KCNS1: variants seen among roughly 807,000 people sequenced by gnomAD.
KCNS1 encodes delayed-rectifier potassium channel regulatory subunit KCNS1.
Under a neutral mutation model 33.1 loss-of-function variants are expected in KCNS1, and 26 were observed. The ratio of observed to expected loss-of-function variants is 0.79; its 90% CI spans 0.58 to 1.09. KCNS1 has a LOEUF of 1.09. KCNS1 is among the 50% of genes least tolerant of loss of function. The pLI is 0.00. For synonymous variants in KCNS1, 299 were observed against 338.8 expected (o/e 0.88, Z 1.29); for missense variants, 702 against 752.4 (o/e 0.93, Z 0.78).
rs2145514587 is a variant in KCNS1 at position 45,098,218 on chromosome 20, G to A, written c.554C>T (p.Ser185Phe). 3.1e-6 allele frequency: 5 copies of A among 1,605,016 alleles called. No individual in the cohort carries two copies. In the South Asian group the frequency reaches 4.4e-5, roughly 14 times the overall value. ...SSVDPCPDEI[S>F]DVQRELARYG... ...GCGCGCCAGTTCTCGCTGCACGTCG[G>A]AGATCTCGTCGGGGCACGGGTCCAC... Residue 185 changes from serine (S) to phenylalanine (F), a missense_variant, in exon 3 of 4, where the codon TCC (serine) becomes TTC (phenylalanine). Physicochemically the swap from Ser to Phe is radical, Grantham distance 155. Transcript: ENST00000537075. The surrounding 1 kb of genome is among the most constrained non-coding windows in gnomAD (Gnocchi z 5.2).
chr20:45,095,023 G>T lies in KCNS1; in HGVS notation c.1428C>A (p.Asn476Lys). The T allele has an allele frequency of 6.2e-7, 1 of 1,613,814 alleles. No homozygotes were observed. Among genetic ancestry groups the T allele is most frequent in the Non-Finnish European group, 8.5e-7 (1 of 1,179,964 alleles). ...RQKALEAAVRNSNHQEFEDLL... is the reference protein window; with the variant it reads ...RQKALEAAVRKSNHQEFEDLL... ...AGTCCTCAAACTCTTGGTGGTTGCT[G>T]TTGCGCACGGCTGCCTCCAGAGCCT... Residue 476 changes from asparagine (N) to lysine (K), a missense_variant, in exon 4 of 4, where the codon AAC becomes AAA. Physicochemically the swap from Asn to Lys is moderately conservative, Grantham distance 94. Around this residue, in one of 3 missense-constraint regions of KCNS1, gnomAD observed 75 missense variants for 72.7 expected, o/e 1.03. Transcript: ENST00000537075.
At position 45,098,928 on chromosome 20, in the gene KCNS1, C is replaced by A. The variant is rs530162869; in HGVS notation, c.76+233G>T. On this transcript the variant is annotated intron_variant, in intron 2 of 3. Coordinates refer to ENST00000537075, the MANE Select transcript of KCNS1 (RefSeq NM_001322799.2). The surrounding 1 kb of genome is among the most constrained non-coding windows in gnomAD (Gnocchi z 5.2). The stretch of plus-strand genomic sequence containing the variant: ...TGACTTTGGCCAAATCACTGACCCA[C>A]CCCACCCCCATTTCATTTTTCTCCT... Among the ~76,000 whole-genome samples the A allele has an allele frequency of 3.9e-5, 6 of 152,272 alleles. No homozygotes were observed. The highest frequency in any genetic ancestry group is 1.4e-4 in the African/African-American group (6 of 41,558).
At chr20:45,096,287 A>G (rs763470582) in intron 3 of KCNS1, among the ~76,000 whole-genome samples, 4 of 152,164 alleles carry the variant, frequency 2.6e-5, no homozygotes, top group Non-Finnish European at 4.4e-5. Context: ...TTACACCTGC[A>G]TCTTAGACCC....
Position 45,098,481 on chromosome 20 carries a change from CTCG to C in KCNS1, c.288_290del (p.Asp96del). On this transcript the variant is annotated inframe_deletion, in exon 3 of 4. Transcript: ENST00000537075. This position sits in a 1 kb window ranked among gnomAD's most constrained non-coding sequence, Gnocchi z 5.2. ...GGTCGAAGTAGAATTCGCGCGCCGC[CTCG>C]TCGTAGTCGTCGCACAGGCGCCGCG... 6.4e-7 allele frequency: 1 copy of C among 1,561,796 alleles called. No individual in the cohort carries two copies. Among genetic ancestry groups the C allele is most frequent in the Non-Finnish European group, 8.7e-7 (1 of 1,154,466 alleles).
Position 45,094,082 on chromosome 20 carries a change from A to G in KCNS1, c.*788T>C, listed in dbSNP as rs1024767537. ...GCCCTTCAGATTTTCTTTCTCTCAC[A>G]TCAGCCCTGGGAGGAAGGTCGGAAG... is the stretch of plus-strand genomic sequence containing the variant. On this transcript the variant is annotated 3_prime_UTR_variant, in exon 4 of 4. Transcript: ENST00000537075. 3.9e-5 allele frequency: 6 copies of G among 152,224 alleles called. No homozygotes were observed. The highest frequency in any genetic ancestry group is 1.2e-4 in the African/African-American group (5 of 41,414). 9.4% of individuals were successfully genotyped at this position (152,224 alleles called of 1,614,324 possible). A position where few individuals can be genotyped will look rare whatever the true frequency, so the allele number is the denominator to read the frequency against.
rs1600595799 is a variant in KCNS1 at position 45,091,388 on chromosome 20, T to C, written c.*3482A>G. Among the ~76,000 whole-genome samples, 1 of 152,150 alleles carries C rather than the reference T, an allele frequency of 6.6e-6. No individual in the cohort carries two copies. Among genetic ancestry groups the C allele is most frequent in the African/African-American group, 2.4e-5 (1 of 41,438 alleles). On this transcript the variant is annotated 3_prime_UTR_variant, in exon 4 of 4. Coordinates refer to ENST00000537075, the MANE Select transcript of KCNS1 (RefSeq NM_001322799.2). ...GAGCAGGATGATACAGGGAAGGAAG[T>C]TGACTGGAGGCAGATCATGTGGGTA...
rs1981377996 is a variant in KCNS1, at chr20:45,101,087, G to C, written c.-170C>G. The C allele has an allele frequency of 6.6e-6, 1 of 152,386 alleles. No individual in the cohort carries two copies. Among genetic ancestry groups the C allele is most frequent in the Non-Finnish European group, 1.5e-5 (1 of 68,156 alleles). 9.4% of individuals were successfully genotyped at this position (152,386 alleles called of 1,614,324 possible). ...CCTTCTTCCTTGCCTAGTCCCCCGC[G>C]GCTGAAGGCCGCATCGATCGCTGCC... On this transcript the variant is annotated 5_prime_UTR_variant, in exon 1 of 4. Coordinates refer to ENST00000537075, the MANE Select transcript of KCNS1 (RefSeq NM_001322799.2).
At chr20:45,096,103 A>T (rs759321330) in intron 3 of KCNS1, among the ~76,000 whole-genome samples, 8 of 152,194 alleles carry the variant, frequency 5.3e-5, no homozygotes, top group Non-Finnish European at 1.0e-4. Flanking sequence ...TCTAAAGCAG[A>T]GTCTCTCCAA....
Position 45,099,278 on chromosome 20 carries a change from T to G in KCNS1, c.-3-39A>C, listed in dbSNP as rs201824756. On this transcript the variant is annotated intron_variant, in intron 1 of 3. Coordinates refer to ENST00000537075, the MANE Select transcript of KCNS1 (RefSeq NM_001322799.2). ...AAAGATGCAAATTCTCAGCCTGCCATCGATTTACTGAATCGGGAACTCTAA... is the reference window on the plus strand; with the variant it reads ...AAAGATGCAAATTCTCAGCCTGCCAGCGATTTACTGAATCGGGAACTCTAA... 355 of 1,084,052 alleles carry G rather than the reference T, an allele frequency of 3.3e-4. 2 individuals carry two copies. The East Asian group carries it at 9.0e-3, about 27-fold the overall frequency. 67.2% of individuals were successfully genotyped at this position (1,084,052 alleles called of 1,614,324 possible). A position where few individuals can be genotyped will look rare whatever the true frequency, so the allele number is the denominator to read the frequency against.
intron 1 of KCNS1, among the ~76,000 whole-genome samples, chr20:45,100,707 C>T (rs1981362408): frequency 6.6e-6 from 1 of 152,216 alleles, no homozygotes; most frequent in Non-Finnish European, 1.5e-5. Flanking sequence ...CCAACCCTGC[C>T]AGGGAGGTTT....
Position 45,095,027 on chromosome 20 carries a change from C to T in KCNS1, c.1424G>A (p.Arg475His), listed in dbSNP as rs573545376. 66 of 1,613,852 alleles carry T rather than the reference C, an allele frequency of 4.1e-5. 2 individuals are homozygous for T. The South Asian group carries it at 5.4e-4, about 13-fold the overall frequency. Reference sequence around the variant, plus strand: ...CTCAAACTCTTGGTGGTTGCTGTTGCGCACGGCTGCCTCCAGAGCCTTCTG... The same window carrying T: ...CTCAAACTCTTGGTGGTTGCTGTTGTGCACGGCTGCCTCCAGAGCCTTCTG... Reference protein sequence around the residue: ...RRQKALEAAVRNSNHQEFEDL... With the variant: ...RRQKALEAAVHNSNHQEFEDL... Residue 475 changes from arginine to histidine, a missense_variant, in exon 4 of 4, where the codon CGC (arginine) becomes CAC (histidine). Physicochemically the swap from Arg to His is conservative, Grantham distance 29. This residue lies in a region of KCNS1 where 75 missense variants were observed against 72.7 expected (regional missense o/e 1.03). Transcript: ENST00000537075.
rs954763965 is a variant in KCNS1 at position 45,098,016 on chromosome 20, G to GGCC, written c.753_755dup (p.Ala253dup). 54 of 1,507,510 alleles carry GGCC rather than the reference G, an allele frequency of 3.6e-5. No homozygotes were observed. Among genetic ancestry groups the GGCC allele is most frequent in the Admixed American group, 4.9e-5 (2 of 40,706 alleles). 93.4% of individuals were successfully genotyped at this position (1,507,510 alleles called of 1,614,324 possible). On this transcript the variant is annotated inframe_insertion, in exon 3 of 4. Transcript: ENST00000537075. The surrounding 1 kb of genome is among the most constrained non-coding windows in gnomAD (Gnocchi z 5.2). ...GGCCCGCGGCCACCGCAGCCACGGC[G>GGCC]GCCGCCGCCTCGCGGGCCTGGTACT... is the stretch of plus-strand genomic sequence containing the variant.
At position 45,094,891 on chromosome 20, in the gene KCNS1, A is replaced by C. The variant is rs1425605938; in HGVS notation, c.1560T>G (p.Pro520=). The part of the protein sequence containing the change: ...ADLESQAPSE[P]PHPQMY Reference sequence around the variant, plus strand: ...GGTTTTAATACATCTGAGGGTGTGGAGGCTCACTGGGGGCCTGGCTCTCTA... The same window carrying C: ...GGTTTTAATACATCTGAGGGTGTGGCGGCTCACTGGGGGCCTGGCTCTCTA... The change falls in exon 4 of 4, where the codon CCT becomes CCG. Residue 520 remains proline, a synonymous_variant. Transcript: ENST00000537075. The C allele has an allele frequency of 1.2e-6, 2 of 1,612,632 alleles. No homozygotes were observed. Among genetic ancestry groups the C allele is most frequent in the Non-Finnish European group, 1.7e-6 (2 of 1,179,208 alleles).
At position 45,099,192 on chromosome 20, in the gene KCNS1, C is replaced by G. The variant is rs73910116; in HGVS notation, c.45G>C (p.Arg15=). ...GGGGTGTTGGCAGCACCACTTTAGA[C>G]CGGAGGTTCTCATAGTGTGTTCCCC... is the stretch of plus-strand genomic sequence containing the variant. ...LVRGTHYENL[R]SKVVLPTPLG... Residue 15 remains arginine (R), a synonymous_variant, in exon 2 of 4, where the codon CGG becomes CGC. Transcript: ENST00000537075. 8,456 of 1,551,170 alleles carry G rather than the reference C, an allele frequency of 5.5e-3. 331 individuals are homozygous for G. In the African/African-American group the frequency reaches 0.092, roughly 17 times the overall value.
intron 3 of KCNS1, among the ~76,000 whole-genome samples, 174 bp from the exon 4 acceptor site, chr20:45,095,514 T>C (rs1981157535): frequency 6.6e-6 from 1 of 152,202 alleles, no homozygotes; most frequent in Non-Finnish European, 1.5e-5. Flanking sequence ...TCAACTACAG[T>C]TGGCAGCAAA....
Position 45,098,718 on chromosome 20 carries a change from C to G in KCNS1, c.77-23G>C. The G allele has an allele frequency of 7.3e-7, 1 of 1,370,428 alleles. No individual in the cohort carries two copies. The highest frequency in any genetic ancestry group is 9.4e-7 in the Non-Finnish European group (1 of 1,062,114). The allele number at this position is 1,370,428 out of a possible 1,614,324, so 84.9% of individuals were successfully genotyped here. On this transcript the variant is annotated intron_variant, in intron 2 of 3. Coordinates refer to ENST00000537075, the MANE Select transcript of KCNS1 (RefSeq NM_001322799.2). This position sits in a 1 kb window ranked among gnomAD's most constrained non-coding sequence, Gnocchi z 5.2. ...TCCCTGCGGACACCAGAAGGGCGCG[C>G]TGAGGAGTTCCCGGGCTTCCCTTCC...
At chr20:45,096,723 C>A (rs1309333390) in intron 3 of KCNS1, among the ~76,000 whole-genome samples, 1 of 152,204 alleles carries the variant, frequency 6.6e-6, no homozygotes, top group East Asian at 1.9e-4. Context: ...TCAGTTTCCA[C>A]CTCTGCAAAG....
rs767038455 is a variant in KCNS1 at position 45,098,499 on chromosome 20, C to G, written c.273G>C (p.Leu91=). 1 of 1,545,904 alleles carries G rather than the reference C, an allele frequency of 6.5e-7. No homozygotes were observed. The highest frequency in any genetic ancestry group is 8.7e-7 in the Non-Finnish European group (1 of 1,146,232). ...AAASEEQARR[L]CDDYDEAARE... Reference sequence around the variant, plus strand: ...GCGCCGCCTCGTCGTAGTCGTCGCACAGGCGCCGCGCCTGCTCCTCCGACG... The same window carrying G: ...GCGCCGCCTCGTCGTAGTCGTCGCAGAGGCGCCGCGCCTGCTCCTCCGACG... The change falls in exon 3 of 4, where the codon CTG becomes CTC. Residue 91 remains leucine, a synonymous_variant. Coordinates refer to ENST00000537075, the MANE Select transcript of KCNS1 (RefSeq NM_001322799.2). The surrounding 1 kb of genome is among the most constrained non-coding windows in gnomAD (Gnocchi z 5.2).
At chr20:45,095,629 G>C (rs1981160902) in intron 3 of KCNS1, among the ~76,000 whole-genome samples, 1 of 152,216 alleles carries the variant, frequency 6.6e-6, no homozygotes, top group African/African-American at 2.4e-5. Context: ...CACAGCCAGG[G>C]AATGAAGAGC....
Sources: allele counts gnomAD v4.1 joint callset (sites outside exome capture counted in the v4.1 genomes callset), GRCh38; gene constraint gnomAD v4.1.1; regional missense constraint gnomAD v4.1.1; non-coding constraint Gnocchi (gnomAD v3.1); transcripts MANE v1.5; gene names NCBI Gene and HGNC (gene_info 2026-07-23, HGNC 2026-07-21).